The following STK3 variants were observed in gnomAD, a reference collection of about 807,000 sequenced individuals.
STK3 encodes the protein serine/threonine-protein kinase 3.
A neutral mutation model predicts 58.0 loss-of-function variants in STK3; 41 were observed. The ratio of observed to expected loss-of-function variants is 0.71; its 90% CI spans 0.55 to 0.92. The LOEUF is 0.92. Ranked by LOEUF, STK3 falls within the 40% of genes least tolerant of loss-of-function variation. The probability of loss-of-function intolerance (pLI) is 0.00; values close to 1 mark genes in which losing one functional copy is unlikely to be tolerated. For synonymous variants in STK3, 170 were observed against 191.0 expected (o/e 0.89, Z 0.91); for missense variants, 479 against 602.7 (o/e 0.79, Z 2.15).
At chr8:98,590,894 A>G (rs1161731957) in intron 7 of STK3, among the ~76,000 whole-genome samples, 1 of 152,158 alleles carries the variant, frequency 6.6e-6, no homozygotes, top group African/African-American at 2.4e-5. Context: ...CATTATGTAA[A>G]ACATACATGT....
chr8:98,485,927 G>C lies in STK3; in HGVS notation c.1318-29927C>G, dbSNP rs118129461. ...GAATAATGATGCATGAGTTAAAATGGAAAAGAACAGTTAGGCAGAGTACGA... is the reference window on the plus strand; with the variant it reads ...GAATAATGATGCATGAGTTAAAATGCAAAAGAACAGTTAGGCAGAGTACGA... On this transcript the variant is annotated intron_variant, in intron 10 of 10. Transcript: ENST00000419617. Among the ~76,000 whole-genome samples, 18 of 152,298 alleles carry C rather than the reference G, an allele frequency of 1.2e-4. No individual in the cohort carries two copies. The East Asian group carries it at 3.1e-3, about 26-fold the overall frequency.
At chr8:98,502,828 G>A (rs760094897) in intron 10 of STK3, among the ~76,000 whole-genome samples, 3 of 152,072 alleles carry the variant, frequency 2.0e-5, no homozygotes, top group South Asian at 2.1e-4. Context: ...GAGAATTTTC[G>A]CATTGATGTT....
intron 1 of STK3, among the ~76,000 whole-genome samples, chr8:98,908,103 T>C (rs950047537): frequency 3.3e-5 from 5 of 152,218 alleles, no homozygotes; most frequent in Non-Finnish European, 5.9e-5. Flanking sequence ...GGCTAATTGG[T>C]TGGTTGTTTT....
At chr8:98,524,986 T>A (rs2131472616) in intron 10 of STK3, among the ~76,000 whole-genome samples, 1 of 152,344 alleles carries the variant, frequency 6.6e-6, no homozygotes, top group Non-Finnish European at 1.5e-5. Flanking sequence ...AGTTAAATCA[T>A]TTTATTTGCC....
downstream of STK3, among the ~76,000 whole-genome samples, chr8:98,451,626 A>G (rs1256865854): frequency 6.6e-6 from 1 of 152,190 alleles, no homozygotes; most frequent in Non-Finnish European, 1.5e-5. Flanking sequence ...GATTGGTGGA[A>G]GAATTGAGCT....
At chr8:98,551,673 G>A (rs1292675137) in intron 8 of STK3, among the ~76,000 whole-genome samples, 1 of 152,082 alleles carries the variant, frequency 6.6e-6, no homozygotes, top group Non-Finnish European at 1.5e-5. Flanking sequence ...TGGCGCACAA[G>A]GATAAGCACT....
intron 8 of STK3, among the ~76,000 whole-genome samples, chr8:98,565,411 T>C (rs1222676423): frequency 6.6e-6 from 1 of 152,140 alleles, no homozygotes; most frequent in Non-Finnish European, 1.5e-5. Flanking sequence ...ATAAAGCATA[T>C]AAACTCTAAG....
chr8:98,424,418 G>A (rs150095005), intron 3 of STK3, among the ~76,000 whole-genome samples: 159 of 152,330 alleles, frequency 1.0e-3, no homozygotes, highest in Non-Finnish European at 1.9e-3. Context: ...CAAGGGGGAG[G>A]GAGAGAGGGA....
rs10605812 is a variant in STK3 at position 98,841,681 on chromosome 8, C to CAA, written c.110+41964_110+41965dup. Among the ~76,000 whole-genome samples the CAA allele has an allele frequency of 7.1e-3, 613 of 86,158 alleles. 8 individuals carry two copies. The highest frequency in any genetic ancestry group is 0.042 in the East Asian group (126 of 3,036). The allele number at this position is 86,158 out of a possible 152,430, so 56.5% of individuals were successfully genotyped here. On this transcript the variant is annotated intron_variant, in intron 3 of 12. Coordinates refer to the STK3 transcript ENST00000523601. ...TGGGCAAAAAAGAGAGACCTGGTCT[C>CAA]AAAAAAAAAAAAAAAAAAAAATTTA...
intron 2 of STK3, among the ~76,000 whole-genome samples, chr8:98,371,979 C>G (rs1817614601): frequency 6.6e-6 from 1 of 152,042 alleles, no homozygotes; most frequent in Admixed American, 6.6e-5. Context: ...TGAGTGGGAT[C>G]AGGGGGAGGG....
At chr8:98,732,257 T>C (rs918141665) in intron 4 of STK3, among the ~76,000 whole-genome samples, 2 of 152,204 alleles carry the variant, frequency 1.3e-5, no homozygotes, top group African/African-American at 4.8e-5. Context: ...CAATTGTTTA[T>C]ATATTAAAAG....
chr8:98,846,787 A>T (rs1438726692), intron 3 of STK3, among the ~76,000 whole-genome samples: 1 of 151,824 alleles, frequency 6.6e-6, no homozygotes, highest in Non-Finnish European at 1.5e-5. Context: ...ACTGTTCCCA[A>T]ACACAAAAGG....
chr8:98,460,763 C>T (rs1315000871), intron 10 of STK3, among the ~76,000 whole-genome samples: 1 of 152,200 alleles, frequency 6.6e-6, no homozygotes, highest in African/African-American at 2.4e-5. Flanking sequence ...TCACTCTCTA[C>T]TCTCTCCTGC....
chr8:98,631,668 G>T (rs199581810), intron 6 of STK3, among the ~76,000 whole-genome samples: 1 of 133,856 alleles, frequency 7.5e-6, no homozygotes, highest in Non-Finnish European at 1.7e-5. Flanking sequence ...TCGTTTTTTT[G>T]TGTGTTTTTT....
chr8:98,893,446 GAA>G (rs1481830167), intron 1 of STK3, among the ~76,000 whole-genome samples: 4 of 83,594 alleles, frequency 4.8e-5, no homozygotes, highest in Non-Finnish European at 6.7e-5. Flanking sequence ...AAGAAAGAAA[GAA>G]AGAAAGAAAG....
At chr8:98,579,873 T>A in intron 7 of STK3, 84 bp from the exon 8 acceptor site, 1 of 1,247,860 alleles carries the variant, frequency 8.0e-7, no homozygotes, top group Non-Finnish European at 1.1e-6. Flanking sequence ...ATGTAAATGT[T>A]AACCAGGATC....
At chr8:98,889,022 A>T (rs756048681) in intron 1 of STK3, among the ~76,000 whole-genome samples, 5 of 152,098 alleles carry the variant, frequency 3.3e-5, no homozygotes, top group Non-Finnish European at 7.4e-5. Context: ...CTCCCCTCCC[A>T]CTACAAACAC....
chr8:98,444,992 A>T (rs1818874522), intron 1 of STK3, among the ~76,000 whole-genome samples: 2 of 152,304 alleles, frequency 1.3e-5, no homozygotes, highest in East Asian at 3.9e-4. Flanking sequence ...TACTAAGAAT[A>T]GTTGGCTTTC....
chr8:98,612,431 T>A lies in STK3; in HGVS notation c.685-16262A>T, dbSNP rs892593331. Reference sequence around the variant, plus strand: ...CACACATATGAATTCTATATATACATATATATCAATTCTATATATATATCA... The same window carrying A: ...CACACATATGAATTCTATATATACAAATATATCAATTCTATATATATATCA... On this transcript the variant is annotated intron_variant, in intron 6 of 10. Transcript: ENST00000419617. Among the ~76,000 whole-genome samples, 10 of 149,624 alleles carry A rather than the reference T, an allele frequency of 6.7e-5. No individual in the cohort carries two copies. The Admixed American group carries it at 6.7e-4, about 10-fold the overall frequency.
Sources: gnomAD v4.1 joint callset for allele counts (sites outside exome capture counted in the v4.1 genomes callset) on GRCh38, gnomAD v4.1.1 for gene constraint, MANE v1.5 for transcripts, NCBI Gene and HGNC (gene_info 2026-07-23, HGNC 2026-07-21) for gene names.